Variants in TNR observed in about 807,000 individuals in gnomAD.
The protein encoded by TNR is tenascin R, also known as tenascin-R.
TNR carries 45 observed loss-of-function variants against 150.4 expected under a neutral mutation model. The ratio of observed to expected loss-of-function variants is 0.30; its 90% CI spans 0.24 to 0.38. TNR has a LOEUF of 0.38. TNR is among the 10% of genes least tolerant of loss of function. The pLI, the probability that TNR is intolerant of heterozygous loss-of-function variation, is 1.00. For missense variants in TNR, 1,544 were observed against 1,759.1 expected (o/e 0.88, Z 2.19); for synonymous variants, 687 against 678.4 (o/e 1.01, Z -0.20).
At chr1:175,729,530 A>G (rs754298012) in intron 1 of TNR, among the ~76,000 whole-genome samples, 5 of 151,764 alleles carry the variant, frequency 3.3e-5, no homozygotes, top group Non-Finnish European at 7.4e-5. Context: ...CTGGCCTCTA[A>G]CGATCCCCTA....
chr1:175,340,238 T>A (rs1482249100), intron 18 of TNR, among the ~76,000 whole-genome samples: 2 of 152,128 alleles, frequency 1.3e-5, no homozygotes, highest in Non-Finnish European at 2.9e-5. Flanking sequence ...GGGCGGGTAC[T>A]CCCCAGATGT....
chr1:175,330,991 C>T (rs1168551907), intron 20 of TNR, among the ~76,000 whole-genome samples: 1 of 129,312 alleles, frequency 7.7e-6, no homozygotes, highest in East Asian at 2.5e-4. Flanking sequence ...CCAGATCCCT[C>T]TTGGTGATTC....
intron 1 of TNR, among the ~76,000 whole-genome samples, 160 bp downstream of exon 1, chr1:175,743,066 G>A (rs537315913): frequency 4.6e-5 from 7 of 151,992 alleles, no homozygotes; most frequent in Non-Finnish European, 1.0e-4. Context: ...TCCCTACGCA[G>A]AACCCGACTC....
At chr1:175,670,219 G>A (rs1158974085) in intron 1 of TNR, among the ~76,000 whole-genome samples, 1 of 152,110 alleles carries the variant, frequency 6.6e-6, no homozygotes, top group East Asian at 1.9e-4. Context: ...CCAGGGGCAC[G>A]AGGCTGGTTA....
chr1:175,565,866 G>C (rs937812722), intron 1 of TNR, among the ~76,000 whole-genome samples: 2 of 152,144 alleles, frequency 1.3e-5, no homozygotes, highest in Non-Finnish European at 2.9e-5. Flanking sequence ...TTGTTGTCAT[G>C]TTCATAAGGT....
chr1:175,552,795 T>A (rs1030643805), intron 1 of TNR, among the ~76,000 whole-genome samples: 14 of 152,246 alleles, frequency 9.2e-5, no homozygotes, highest in African/African-American at 3.4e-4. Flanking sequence ...CCGTTCTGAC[T>A]TTTTGGATCC....
chr1:175,402,629 C>T (rs144615619), intron 4 of TNR, among the ~76,000 whole-genome samples: 14 of 152,338 alleles, frequency 9.2e-5, no homozygotes, highest in African/African-American at 2.9e-4. Flanking sequence ...AAATTAATAA[C>T]ATCTTGCAAT....
At chr1:175,337,896 A>T (rs1011628022) in intron 18 of TNR, among the ~76,000 whole-genome samples, 1 of 152,140 alleles carries the variant, frequency 6.6e-6, no homozygotes, top group Non-Finnish European at 1.5e-5. Context: ...ATACAATTTC[A>T]TGGGATCTGA....
chr1:175,710,071 G>A (rs1050059650), intron 1 of TNR, among the ~76,000 whole-genome samples: 9 of 152,040 alleles, frequency 5.9e-5, no homozygotes, highest in African/African-American at 1.9e-4. Context: ...TGCATTATTC[G>A]AGGGTCACTT....
rs149144697 is a variant in TNR, at chr1:175,373,584, T to C, written c.1963+5968A>G. On this transcript the variant is annotated intron_variant, in intron 9 of 22. Coordinates refer to ENST00000367674, the MANE Select transcript of TNR (RefSeq NM_003285.3). Reference sequence around the variant, plus strand: ...CCTGATTTAAAGGAAGGGACTGGCCTAACAAGCCCATTTTTGATAAGAAAA... The same window carrying C: ...CCTGATTTAAAGGAAGGGACTGGCCCAACAAGCCCATTTTTGATAAGAAAA... 3.9e-5 allele frequency among the ~76,000 whole-genome samples: 6 copies of C among 152,322 alleles called. 1 individual carries two copies. In the East Asian group the frequency reaches 1.2e-3, roughly 29 times the overall value.
At chr1:175,733,639 A>G (rs1435229462) in intron 1 of TNR, among the ~76,000 whole-genome samples, 1 of 152,148 alleles carries the variant, frequency 6.6e-6, no homozygotes, top group Admixed American at 6.5e-5. Flanking sequence ...AGTGCCTCAG[A>G]CCATTTTTAA....
chr1:175,444,507 C>G (rs987276330), intron 2 of TNR, among the ~76,000 whole-genome samples: 10 of 152,198 alleles, frequency 6.6e-5, no homozygotes, highest in Non-Finnish European at 1.2e-4. Context: ...AGCCCTGGTT[C>G]CTACAAATAT....
intron 20 of TNR, 142 bp from the exon 21 acceptor site, chr1:175,330,377 G>A: frequency 1.1e-6 from 1 of 889,152 alleles, no homozygotes. Flanking sequence ...TGCTTCACAG[G>A]TTGTTATCAA....
chr1:175,372,326 G>A (rs1652145095), intron 9 of TNR, among the ~76,000 whole-genome samples: 1 of 152,220 alleles, frequency 6.6e-6, no homozygotes, highest in South Asian at 2.1e-4. Context: ...AGCAGAGGCT[G>A]CTAACTAAGA....
intron 2 of TNR, among the ~76,000 whole-genome samples, chr1:175,407,961 T>A (rs1428616920): frequency 6.6e-6 from 1 of 152,250 alleles, no homozygotes; most frequent in African/African-American, 2.4e-5. Flanking sequence ...TTCCCAGGAA[T>A]ATCGCGATTA....
At chr1:175,549,863 C>G (rs1660865371) in intron 1 of TNR, among the ~76,000 whole-genome samples, 1 of 152,240 alleles carries the variant, frequency 6.6e-6, no homozygotes, top group South Asian at 2.1e-4. Flanking sequence ...TGCAGCTGGT[C>G]AACACCATGA....
At chr1:175,441,245 C>G (rs35294987) in intron 2 of TNR, among the ~76,000 whole-genome samples, 2,725 of 152,136 alleles carry the variant, frequency 0.018, 48 homozygotes, top group South Asian at 0.059. Flanking sequence ...TCTTTTCTGT[C>G]TGTCTTGGAG....
rs57092862 is a variant in TNR at position 175,571,948 on chromosome 1, C to T, written c.-164-43579G>A. 7.9e-3 allele frequency among the ~76,000 whole-genome samples: 1,197 copies of T among 152,222 alleles called. 13 individuals are homozygous for T. The highest frequency in any genetic ancestry group is 0.027 in the African/African-American group (1,142 of 41,534). The stretch of plus-strand genomic sequence containing the variant: ...TTTCCATGGAACCAGGCCTATTTGC[C>T]CTCAAGGAAGTAGCCACCAATAAAA... On this transcript the variant is annotated intron_variant, in intron 1 of 22. Coordinates refer to ENST00000367674, the MANE Select transcript of TNR (RefSeq NM_003285.3).
chr1:175,431,995 T>A (rs904502985), intron 2 of TNR, among the ~76,000 whole-genome samples: 3 of 145,810 alleles, frequency 2.1e-5, no homozygotes, highest in African/African-American at 7.8e-5. Flanking sequence ...CTTCCAAGGC[T>A]TGAGACCTTG....
Sources: allele counts gnomAD v4.1 joint callset (sites outside exome capture counted in the v4.1 genomes callset), GRCh38; gene constraint gnomAD v4.1.1; transcripts MANE v1.5; gene names NCBI Gene and HGNC (gene_info 2026-07-23, HGNC 2026-07-21).